POP7: variants seen among roughly 807,000 people sequenced by gnomAD.
The protein encoded by POP7 is POP7 ribonuclease P/MRP subunit.
A neutral mutation model predicts 7.5 loss-of-function variants in POP7; 5 were observed. That is an observed-to-expected ratio of 0.66 (90% CI 0.35 to 1.40). The LOEUF (loss-of-function observed/expected upper bound fraction) is 1.40. Ranked by LOEUF, POP7 falls within the 40% of genes most tolerant of loss-of-function variation. The pLI is 0.04. For synonymous variants in POP7, 85 were observed against 81.6 expected, an observed-to-expected ratio of 1.04 and a Z score of -0.23; for missense variants, 170 against 189.1, an observed-to-expected ratio of 0.90 and a Z score of 0.59.
At chr7:100,706,485 T>C (rs750975209) in intron 1 of POP7, 181 bp downstream of exon 1, 32 of 248,374 alleles carry the variant, frequency 1.3e-4, no homozygotes, top group Non-Finnish European at 2.2e-4. Context: ...GTTTTTGTTT[T>C]TGTTTGAGAC....
rs1459761847 is a variant in POP7 at position 100,707,082 on chromosome 7, C to T, written c.252C>T (p.Ile84=). Residue 84 remains isoleucine (I), a synonymous_variant, in exon 2 of 2, where the codon ATC becomes ATT. Coordinates refer to ENST00000303151, the MANE Select transcript of POP7 (RefSeq NM_005837.3). ...LGLAINRAIN[I]ALQLQAGSFG... ...TGGCCATCAACCGCGCCATCAACATCGCGCTGCAGCTGCAGGCGGGCAGCT... is the reference window on the plus strand; with the variant it reads ...TGGCCATCAACCGCGCCATCAACATTGCGCTGCAGCTGCAGGCGGGCAGCT... 6.2e-7 allele frequency: 1 copy of T among 1,614,108 alleles called. No homozygotes were observed.
chr7:100,706,736 AG>A, intron 1 of POP7, 84 bp from the exon 2 acceptor site: 1 of 1,379,600 alleles, frequency 7.2e-7, no homozygotes, highest in Non-Finnish European at 9.9e-7. Flanking sequence ...CTGCCCGGCC[AG>A]GTGCACCCTT....
chr7:100,706,679 C>T, intron 1 of POP7, 142 bp from the exon 2 acceptor site: 1 of 819,160 alleles, frequency 1.2e-6, no homozygotes, highest in Non-Finnish European at 1.9e-6. Flanking sequence ...CTCCAGTGAT[C>T]CTCCCGCCTC....
Position 100,707,185 on chromosome 7 carries a change from G to T in POP7, c.355G>T (p.Glu119Ter). ...DELEPETDTR[E>*]PLTRIRNNSA... ...GCTGGAGCCAGAGACCGACACACGG[G>T]AGCCACTGACTCGGATCCGCAACAA... Residue 119 changes from glutamate to a stop codon, truncating the protein, a stop_gained, in exon 2 of 2, where the codon GAG (glutamate) becomes TAG (stop). Transcript: ENST00000303151. LOFTEE classifies it high-confidence loss of function. 1 of 1,614,210 alleles carries T rather than the reference G, an allele frequency of 6.2e-7. No homozygotes were observed. Among genetic ancestry groups the T allele is most frequent in the Non-Finnish European group, 8.5e-7 (1 of 1,180,046 alleles).
rs1344548927 is a variant in POP7, at chr7:100,706,791, C to T, written c.-10-30C>T. The T allele has an allele frequency of 1.7e-5, 27 of 1,595,228 alleles. 1 individual carries two copies. The highest frequency in any genetic ancestry group is 5.4e-5 in the African/African-American group (4 of 74,366). ...GGAAAGGCTTCGAGGTCCCTCTGAGCCCTCTGATCGCGTCCCTTTCCCACG... is the reference window on the plus strand; with the variant it reads ...GGAAAGGCTTCGAGGTCCCTCTGAGTCCTCTGATCGCGTCCCTTTCCCACG... On this transcript the variant is annotated intron_variant, in intron 1 of 1. Transcript: ENST00000303151.
chr7:100,706,756 A>T, intron 1 of POP7, 65 bp from the exon 2 acceptor site: 1 of 1,507,984 alleles, frequency 6.6e-7, no homozygotes, highest in Non-Finnish European at 9.0e-7. Context: ...TTTGTACAGG[A>T]AAAGGGGTAG....
rs377700685 is a variant in POP7 at position 100,706,816 on chromosome 7, G to T, written c.-10-5G>T. 3.0e-5 allele frequency: 49 copies of T among 1,608,218 alleles called. No individual in the cohort carries two copies. The African/African-American group carries it at 6.0e-4, about 20-fold the overall frequency. On this transcript the variant is annotated splice_region_variant and splice_polypyrimidine_tract_variant and intron_variant, in intron 1 of 1. Transcript: ENST00000303151. Reference sequence around the variant, plus strand: ...CCCTCTGATCGCGTCCCTTTCCCACGCCAGGGCACACAGCATGGCAGAAAA... The same window carrying T: ...CCCTCTGATCGCGTCCCTTTCCCACTCCAGGGCACACAGCATGGCAGAAAA...
chr7:100,707,219 T>C lies in POP7; in HGVS notation c.389T>C (p.Ile130Thr). Residue 130 changes from isoleucine (I) to threonine (T), a missense_variant, in exon 2 of 2, where the codon ATC becomes ACC. By Grantham distance (89) the Ile-to-Thr change is moderately conservative. Transcript: ENST00000303151. ...ACTCGGATCCGCAACAACTCAGCCATCCACATCCGAGTCTTCAGGGTCACA... is the reference window on the plus strand; with the variant it reads ...ACTCGGATCCGCAACAACTCAGCCACCCACATCCGAGTCTTCAGGGTCACA... ...PLTRIRNNSAIHIRVFRVTPK is the reference protein window; with the variant it reads ...PLTRIRNNSATHIRVFRVTPK 6.2e-7 allele frequency: 1 copy of C among 1,614,104 alleles called. No individual in the cohort carries two copies. The highest frequency in any genetic ancestry group is 8.5e-7 in the Non-Finnish European group (1 of 1,179,982).
chr7:100,706,606 TA>T (rs968050200), intron 1 of POP7, among the ~76,000 whole-genome samples: 1 of 151,848 alleles, frequency 6.6e-6, no homozygotes, highest in African/African-American at 2.4e-5. Context: ...CCCGGGTAAT[TA>T]AAAAAATTTT....
rs775522946 is a variant in POP7 at position 100,706,992 on chromosome 7, G to A, written c.162G>A (p.Lys54=). Residue 54 remains lysine, a synonymous_variant, in exon 2 of 2, where the codon AAG becomes AAA. Transcript: ENST00000303151. ...DFKAQLARCQ[K]LLDGGARGQN... The stretch of plus-strand genomic sequence containing the variant: ...AGGCCCAGCTGGCCCGCTGCCAGAA[G>A]CTGCTGGACGGAGGGGCCCGGGGTC... 1 of 1,614,168 alleles carries A rather than the reference G, an allele frequency of 6.2e-7. No individual in the cohort carries two copies. Among genetic ancestry groups the A allele is most frequent in the South Asian group, 1.1e-5 (1 of 91,092 alleles).
chr7:100,706,780 G>A, intron 1 of POP7, 41 bp from the exon 2 acceptor site: 1 of 1,575,620 alleles, frequency 6.3e-7, no homozygotes, highest in Non-Finnish European at 8.6e-7. Flanking sequence ...AGGCTTCGAG[G>A]TCCCTCTGAG....
Position 100,707,344 on chromosome 7 carries a change from GCCTGTTC to G in POP7, c.*96_*102del. 3 of 1,421,232 alleles carry G rather than the reference GCCTGTTC, an allele frequency of 2.1e-6. No individual in the cohort carries two copies. Among genetic ancestry groups the G allele is most frequent in the Non-Finnish European group, 2.8e-6 (3 of 1,055,920 alleles). The allele number at this position is 1,421,232 out of a possible 1,614,324, so 88.0% of individuals were successfully genotyped here. A position where few individuals can be genotyped will look rare whatever the true frequency, so the allele number is the denominator to read the frequency against. On this transcript the variant is annotated 3_prime_UTR_variant, in exon 2 of 2. Transcript: ENST00000303151. ...TCGGACCAGAGCCATGTAAGAAAAG[GCCTGTTC>G]CCTGGAAGCCCAAAGGACTCTGCAT... is the stretch of plus-strand genomic sequence containing the variant.
At chr7:100,706,713 C>G (rs1382918740) in intron 1 of POP7, 108 bp from the exon 2 acceptor site, 1 of 1,120,538 alleles carries the variant, frequency 8.9e-7, no homozygotes, top group Non-Finnish European at 1.3e-6. Context: ...GCTGAGGTTA[C>G]AGGCGTGAGC....
intron 1 of POP7, 104 bp from the exon 2 acceptor site, chr7:100,706,717 C>A: frequency 1.7e-6 from 2 of 1,158,496 alleles, no homozygotes; most frequent in Non-Finnish European, 2.4e-6. Context: ...AGGTTACAGG[C>A]GTGAGCCACT....
At position 100,707,188 on chromosome 7, in the gene POP7, C is replaced by T. The variant is rs758695569; in HGVS notation, c.358C>T (p.Pro120Ser). 5 of 1,614,212 alleles carry T rather than the reference C, an allele frequency of 3.1e-6. No individual in the cohort carries two copies. Among genetic ancestry groups the T allele is most frequent in the Non-Finnish European group, 1.7e-6 (2 of 1,180,052 alleles). Residue 120 changes from proline to serine, a missense_variant, in exon 2 of 2, where the codon CCA (proline) becomes TCA (serine). Physicochemically the swap from Pro to Ser is moderately conservative, Grantham distance 74 (BLOSUM62 -1). Coordinates refer to ENST00000303151, the MANE Select transcript of POP7 (RefSeq NM_005837.3). ...ELEPETDTRE[P>S]LTRIRNNSAI... ...GGAGCCAGAGACCGACACACGGGAG[C>T]CACTGACTCGGATCCGCAACAACTC...
chr7:100,707,344 G>A lies in POP7; in HGVS notation c.*91G>A, dbSNP rs763690760. 7.0e-7 allele frequency: 1 copy of A among 1,421,230 alleles called. No individual in the cohort carries two copies. Among genetic ancestry groups the A allele is most frequent in the Admixed American group, 2.4e-5 (1 of 41,998 alleles). The allele number at this position is 1,421,230 out of a possible 1,614,324, so 88.0% of individuals were successfully genotyped here. ...TCGGACCAGAGCCATGTAAGAAAAG[G>A]CCTGTTCCCTGGAAGCCCAAAGGAC... On this transcript the variant is annotated 3_prime_UTR_variant, in exon 2 of 2. Transcript: ENST00000303151.
Position 100,707,399 on chromosome 7 carries a change from T to C in POP7, c.*146T>C. On this transcript the variant is annotated 3_prime_UTR_variant, in exon 2 of 2. Coordinates refer to ENST00000303151, the MANE Select transcript of POP7 (RefSeq NM_005837.3). ...CATTGAGGGTGGGGGTAATTGTCTC[T>C]TGGTGGGCCCAGTTAGTGGGCCTTC... is the stretch of plus-strand genomic sequence containing the variant. The C allele has an allele frequency of 2.1e-6, 2 of 962,654 alleles. No individual in the cohort carries two copies. The highest frequency in any genetic ancestry group is 3.5e-5 in the South Asian group (2 of 56,672). The allele number at this position is 962,654 out of a possible 1,614,324, so 59.6% of individuals were successfully genotyped here.
chr7:100,707,230 G>A lies in POP7; in HGVS notation c.400G>A (p.Val134Ile), dbSNP rs756244575. ...IRNNSAIHIRVFRVTPK is the reference protein window; with the variant it reads ...IRNNSAIHIRIFRVTPK ...CAACAACTCAGCCATCCACATCCGA[G>A]TCTTCAGGGTCACACCCAAGTAATT... The change falls in exon 2 of 2, where the codon GTC (valine) becomes ATC (isoleucine). Residue 134 changes from valine (V) to isoleucine (I), a missense_variant. Physicochemically the swap from Val to Ile is conservative, Grantham distance 29. Transcript: ENST00000303151. 2.5e-6 allele frequency: 4 copies of A among 1,613,676 alleles called. No individual in the cohort carries two copies. The Admixed American group carries it at 5.0e-5, about 20-fold the overall frequency.
intron 1 of POP7, among the ~76,000 whole-genome samples, chr7:100,706,614 T>A (rs574554234): frequency 3.0e-4 from 45 of 151,930 alleles, no homozygotes; most frequent in African/African-American, 8.9e-4. Flanking sequence ...ATTAAAAAAA[T>A]TTTTCTTAAG....
Sources: allele counts gnomAD v4.1 joint callset (sites outside exome capture counted in the v4.1 genomes callset), GRCh38; gene constraint gnomAD v4.1.1; transcripts MANE v1.5; gene names NCBI Gene and HGNC (gene_info 2026-07-23, HGNC 2026-07-21).